Variants in ADAMTSL1 observed in about 807,000 individuals in gnomAD.
ADAMTSL1 encodes ADAMTS like 1, also known as ADAMTS-like protein 1.
Under a neutral mutation model 201.8 loss-of-function variants are expected in ADAMTSL1, and 126 were observed. The observed-to-expected ratio is 0.62, with a 90% CI of 0.54 to 0.72. The LOEUF (loss-of-function observed/expected upper bound fraction) is 0.72, where lower values mean the gene tolerates loss of function less well. Among genes scored for constraint, ADAMTSL1 ranks in the 30% least tolerant of loss-of-function variants. The probability of loss-of-function intolerance (pLI) is 0.00; values close to 1 mark genes in which losing one functional copy is unlikely to be tolerated. For synonymous variants in ADAMTSL1, 1,121 were observed against 903.4 expected (o/e 1.24, Z -4.32); for missense variants, 2,679 against 2,277.8 (o/e 1.18, Z -3.59).
At chr9:18,681,703 GGGGGGGC>G in intron 11 of ADAMTSL1, 102 bp from the exon 12 acceptor site, 1 of 710,280 alleles carries the variant, frequency 1.4e-6, no homozygotes, top group Non-Finnish European at 2.0e-6. Flanking sequence ...CGTGTGGGGG[GGGGGGGC>G]GGGGAAAAAG....
chr9:18,469,189 G>C (rs1369364741), upstream of ADAMTSL1, among the ~76,000 whole-genome samples: 2 of 152,086 alleles, frequency 1.3e-5, no homozygotes, highest in African/African-American at 2.4e-5. Context: ...TCCTCACTGA[G>C]TCCTTAAATA....
chr9:18,124,077 GTT>G (rs1157492042), intron 1 of ADAMTSL1, among the ~76,000 whole-genome samples: 15,550 of 70,190 alleles, frequency 0.22, 523 homozygotes, highest in Non-Finnish European at 0.26. Flanking sequence ...TTATTTGCCA[GTT>G]TTTTTTTTTT....
intron 2 of ADAMTSL1, among the ~76,000 whole-genome samples, chr9:18,315,018 G>T (rs546562117): frequency 6.7e-6 from 1 of 148,626 alleles, no homozygotes; most frequent in African/African-American, 2.4e-5. Context: ...GGATGGTCTC[G>T]ATCTCCTGAC....
In ADAMTSL1 at chr9:17,964,757, T is replaced by G. The variant is rs371448876; in HGVS notation, c.87+57835T>G. Reference sequence around the variant, plus strand: ...CTCTGTGTTGCTTCTTATAACTACATGTGAATCCACAGTGATCTAAACATT... The same window carrying G: ...CTCTGTGTTGCTTCTTATAACTACAGGTGAATCCACAGTGATCTAAACATT... On this transcript the variant is annotated intron_variant, in intron 1 of 29. Transcript: ENST00000680146. Among the ~76,000 whole-genome samples the G allele has an allele frequency of 4.9e-4, 74 of 152,340 alleles. No individual in the cohort carries two copies. The South Asian group carries it at 8.9e-3, about 18-fold the overall frequency.
intron 23 of ADAMTSL1, among the ~76,000 whole-genome samples, chr9:18,883,437 T>G (rs1828663327): frequency 6.6e-6 from 1 of 152,212 alleles, no homozygotes; most frequent in South Asian, 2.1e-4. Context: ...TTTATTGTGG[T>G]AAGAGATACA....
At chr9:18,505,577 C>A (rs554141757) in intron 2 of ADAMTSL1, among the ~76,000 whole-genome samples, 3 of 152,178 alleles carry the variant, frequency 2.0e-5, no homozygotes, top group Admixed American at 6.5e-5. Flanking sequence ...GGGCCTGAGG[C>A]CTTAGAATGG....
chr9:18,653,404 A>G (rs780199139), intron 7 of ADAMTSL1, among the ~76,000 whole-genome samples: 1 of 152,168 alleles, frequency 6.6e-6, no homozygotes, highest in Non-Finnish European at 1.5e-5. Context: ...TTTAGACAAC[A>G]TTATACCTGT....
intron 2 of ADAMTSL1, among the ~76,000 whole-genome samples, chr9:18,329,394 T>C (rs1346562902): frequency 6.6e-6 from 1 of 152,176 alleles, no homozygotes; most frequent in East Asian, 1.9e-4. Context: ...AGAAATCTCA[T>C]GGATATAAGT....
chr9:18,428,294 T>C (rs1034869553), intron 2 of ADAMTSL1, among the ~76,000 whole-genome samples: 2 of 152,002 alleles, frequency 1.3e-5, no homozygotes, highest in East Asian at 1.9e-4. Flanking sequence ...GATACAAGAA[T>C]TGGGGCCGGG....
Position 18,656,933 on chromosome 9 carries a change from T to TA in ADAMTSL1, c.835-695dup, listed in dbSNP as rs560041627. Among the ~76,000 whole-genome samples, 559 of 146,190 alleles carry TA rather than the reference T, an allele frequency of 3.8e-3. 1 individual carries two copies. Among genetic ancestry groups the TA allele is most frequent in the African/African-American group, 0.012 (496 of 40,076 alleles). Reference sequence around the variant, plus strand: ...AAGGACTTGTCTCACATACCCCCTTTAAAAAAAAAAAGAAATTGCAATTTC... The same window carrying TA: ...AAGGACTTGTCTCACATACCCCCTTTAAAAAAAAAAAAGAAATTGCAATTTC... On this transcript the variant is annotated intron_variant, in intron 7 of 28. Transcript: ENST00000380548.
At chr9:18,100,908 C>G (rs896339146) in intron 1 of ADAMTSL1, among the ~76,000 whole-genome samples, 1 of 152,178 alleles carries the variant, frequency 6.6e-6, no homozygotes, top group Admixed American at 6.5e-5. Flanking sequence ...TTTCAAATGT[C>G]CCCATTTGTT....
intron 4 of ADAMTSL1, among the ~76,000 whole-genome samples, chr9:18,575,946 A>G (rs928351343): frequency 1.3e-5 from 2 of 152,156 alleles, no homozygotes; most frequent in African/African-American, 4.8e-5. Flanking sequence ...TTCCTAAACT[A>G]ATCCTGCCAG....
At chr9:18,195,008 A>G (rs946223661) in intron 2 of ADAMTSL1, among the ~76,000 whole-genome samples, 5 of 152,136 alleles carry the variant, frequency 3.3e-5, no homozygotes, top group African/African-American at 1.2e-4. Flanking sequence ...AAAGACTAGT[A>G]ATCAGTCCTT....
intron 2 of ADAMTSL1, among the ~76,000 whole-genome samples, chr9:18,257,939 T>A (rs1434345890): frequency 6.6e-6 from 1 of 152,120 alleles, no homozygotes; most frequent in South Asian, 2.1e-4. Context: ...AAACGAGAAT[T>A]GAGATCTTCA....
Position 18,504,856 on chromosome 9 carries a change from G to A in ADAMTSL1, c.91G>A (p.Asp31Asn), listed in dbSNP as rs779507767. The A allele has an allele frequency of 4.6e-5, 74 of 1,613,982 alleles. No homozygotes were observed. In the Admixed American group the frequency reaches 1.2e-3, roughly 26 times the overall value. The change falls in exon 2 of 29, where the codon GAC (aspartate) becomes AAC (asparagine). Residue 31 changes from aspartate (D) to asparagine (N), a missense_variant. Asp to Asn is a conservative substitution (Grantham distance 23). Transcript: ENST00000380548. Reference protein sequence around the residue: ...LSSRTARSEEDRDGLWDAWGP... With the variant: ...LSSRTARSEENRDGLWDAWGP... ...TTCCAGGACCGCACGCTCCGAGGAGGACCGGGACGGCCTATGGGATGCCTG... is the reference window on the plus strand; with the variant it reads ...TTCCAGGACCGCACGCTCCGAGGAGAACCGGGACGGCCTATGGGATGCCTG...
At chr9:18,384,615 G>C (rs1335068278) in intron 2 of ADAMTSL1, among the ~76,000 whole-genome samples, 1 of 152,152 alleles carries the variant, frequency 6.6e-6, no homozygotes, top group Admixed American at 6.6e-5. Flanking sequence ...GGATGTGTAT[G>C]TCTCATTCCT....
chr9:18,854,011 G>T (rs1826687908), intron 23 of ADAMTSL1, among the ~76,000 whole-genome samples: 1 of 152,026 alleles, frequency 6.6e-6, no homozygotes, highest in Admixed American at 6.6e-5. Context: ...AGGTGGGGGG[G>T]TTGTAATCTT....
intron 2 of ADAMTSL1, among the ~76,000 whole-genome samples, chr9:18,340,576 C>A (rs139024574): frequency 6.8e-4 from 103 of 152,298 alleles, no homozygotes; most frequent in African/African-American, 2.4e-3. Context: ...CCCTACCCAA[C>A]TCTCACCTTT....
At chr9:18,493,054 G>A (rs1413676392) in intron 1 of ADAMTSL1, among the ~76,000 whole-genome samples, 2 of 152,174 alleles carry the variant, frequency 1.3e-5, no homozygotes, top group African/African-American at 4.8e-5. Context: ...TAGGGGTTAA[G>A]CTGAATATCA....
Sources: gnomAD v4.1 joint callset for allele counts (sites outside exome capture counted in the v4.1 genomes callset) on GRCh38, gnomAD v4.1.1 for gene constraint, MANE v1.5 for transcripts, NCBI Gene and HGNC (gene_info 2026-07-23, HGNC 2026-07-21) for gene names.